Variants in SOD2 observed in about 807,000 individuals in gnomAD.
SOD2 encodes superoxide dismutase [Mn], mitochondrial.
A neutral mutation model predicts 27.0 loss-of-function variants in SOD2; 11 were observed. The observed-to-expected ratio is 0.41, with a 90% CI of 0.26 to 0.67. The LOEUF (loss-of-function observed/expected upper bound fraction) is 0.67. Among genes scored for constraint, SOD2 ranks in the 30% least tolerant of loss-of-function variants. The pLI is 0.34. For missense variants in SOD2, 250 were observed against 274.5 expected (o/e 0.91, Z 0.63); for synonymous variants, 105 against 103.0 (o/e 1.02, Z -0.12).
chr6:159,735,380 A>G (rs1243301840), intron 1 of SOD2, among the ~76,000 whole-genome samples: 1 of 152,284 alleles, frequency 6.6e-6, no homozygotes, highest in South Asian at 2.1e-4. Flanking sequence ...ACCTCAAGTG[A>G]TCCACCCACC....
At chr6:159,746,725 T>C (rs572077309), upstream of SOD2, among the ~76,000 whole-genome samples, 2 of 152,368 alleles carry the variant, frequency 1.3e-5, no homozygotes, top group African/African-American at 4.8e-5. Context: ...GTGGTATTTC[T>C]GTTTTTCATT....
intron 1 of SOD2, among the ~76,000 whole-genome samples, chr6:159,707,743 G>A (rs1051916186): frequency 6.6e-6 from 1 of 152,134 alleles, no homozygotes; most frequent in African/African-American, 2.4e-5. Flanking sequence ...TAGAAAAAGA[G>A]GGAATCCTCC....
In SOD2 at chr6:159,680,545, C is replaced by A. The variant is rs1395645583; in HGVS notation, c.*1948G>T. Reference sequence around the variant, plus strand: ...CAATATTGAAACTGCTAAGTTACCCCATTTTTCCATGAAAAAAAAATAGAA... The same window carrying A: ...CAATATTGAAACTGCTAAGTTACCCAATTTTTCCATGAAAAAAAAATAGAA... On this transcript the variant is annotated 3_prime_UTR_variant, in exon 5 of 5. Transcript: ENST00000538183. 1.3e-5 allele frequency: 2 copies of A among 150,982 alleles called. No homozygotes were observed. Among genetic ancestry groups the A allele is most frequent in the Non-Finnish European group, 2.9e-5 (2 of 67,852 alleles). 9.4% of individuals were successfully genotyped at this position (150,982 alleles called of 1,614,324 possible).
upstream of SOD2, among the ~76,000 whole-genome samples, chr6:159,729,152 C>G (rs1778410493): frequency 6.6e-6 from 1 of 152,164 alleles, no homozygotes; most frequent in Non-Finnish European, 1.5e-5. Context: ...CGTTCAAGGT[C>G]TCTTATGGTC....
chr6:159,712,067 C>CACATT (rs780654369), intron 1 of SOD2, among the ~76,000 whole-genome samples: 1 of 25,640 alleles, frequency 3.9e-5, no homozygotes, highest in East Asian at 7.0e-4. Flanking sequence ...AACCACCACT[C>CACATT]GGCTGCTCAG....
rs890959968 is a variant in SOD2, at chr6:159,678,787, T to C, written c.*3706A>G. 1 of 152,180 alleles carries C rather than the reference T, an allele frequency of 6.6e-6. No homozygotes were observed. Among genetic ancestry groups the C allele is most frequent in the South Asian group, 2.1e-4 (1 of 4,830 alleles). The allele number at this position is 152,180 out of a possible 1,614,324, so 9.4% of individuals were successfully genotyped here. On this transcript the variant is annotated 3_prime_UTR_variant, in exon 5 of 5. Coordinates refer to ENST00000538183, the MANE Select transcript of SOD2 (RefSeq NM_000636.4). ...TCTTGTGGGCTGAGCCCTCCACCTGTGGGATCTGACTCCAATTCCAGGTAG... is the reference window on the plus strand; with the variant it reads ...TCTTGTGGGCTGAGCCCTCCACCTGCGGGATCTGACTCCAATTCCAGGTAG...
At chr6:159,684,565 C>T (rs762700128) in intron 4 of SOD2, among the ~76,000 whole-genome samples, 1 of 151,966 alleles carries the variant, frequency 6.6e-6, no homozygotes, top group Non-Finnish European at 1.5e-5. Context: ...TGCAGTGAAC[C>T]GAGATCGCAC....
At position 159,737,294 on chromosome 6, in the gene SOD2, A is replaced by C. The variant is rs912332498; in HGVS notation, c.-116+7836T>G. 4.6e-5 allele frequency among the ~76,000 whole-genome samples: 7 copies of C among 151,766 alleles called. 1 individual carries two copies. Among genetic ancestry groups the C allele is most frequent in the African/African-American group, 1.5e-4 (6 of 41,342 alleles). On this transcript the variant is annotated intron_variant, in intron 1 of 3. Coordinates refer to the SOD2 transcript ENST00000537657. ...GAACTCCCGGGCTCAAGAGATAGCC[A>C]CCTGCCTCTGCCTTCCAAAGTGCTG...
intron 4 of SOD2, among the ~76,000 whole-genome samples, chr6:159,684,503 GC>G (rs1252356930): frequency 1.3e-5 from 2 of 152,140 alleles, no homozygotes; most frequent in Non-Finnish European, 2.9e-5. Context: ...TGTAATCCCA[GC>G]TATTTGGGAG....
chr6:159,675,514 A>C lies in SOD2; in HGVS notation c.*6979T>G, dbSNP rs1779758812. ...AAATGGGGAAAGGATTCCCTATTTA[A>C]TAAATGGTGCTGGGAAAACTGGCTA... On this transcript the variant is annotated 3_prime_UTR_variant, in exon 5 of 5. Transcript: ENST00000538183. The C allele has an allele frequency of 6.6e-6, 1 of 152,244 alleles. No homozygotes were observed. Among genetic ancestry groups the C allele is most frequent in the Non-Finnish European group, 1.5e-5 (1 of 68,052 alleles). 9.4% of individuals were successfully genotyped at this position (152,244 alleles called of 1,614,324 possible).
rs574395158 is a variant in SOD2, at chr6:159,724,581, G to A, written c.-116+2548C>T. Among the ~76,000 whole-genome samples the A allele has an allele frequency of 8.5e-5, 13 of 152,224 alleles. No individual in the cohort carries two copies. In the South Asian group the frequency reaches 1.9e-3, roughly 22 times the overall value. ...ACACAGATGAAAAATACAGTGGGGCGAGGGACGGTGGCTCACACCTATAAT... is the reference window on the plus strand; with the variant it reads ...ACACAGATGAAAAATACAGTGGGGCAAGGGACGGTGGCTCACACCTATAAT... On this transcript the variant is annotated intron_variant, in intron 1 of 2. Coordinates refer to the SOD2 transcript ENST00000401980.
At position 159,692,737 on chromosome 6, in the gene SOD2, G is replaced by A. The variant is rs769361629; in HGVS notation, c.150C>T (p.His50=). Reference sequence around the variant, plus strand: ...CGTAGGCCGCGTGGTGCTTGCTGTGGTGCAGCTGCATGATCTGCGCGTTGA... The same window carrying A: ...CGTAGGCCGCGTGGTGCTTGCTGTGATGCAGCTGCATGATCTGCGCGTTGA... ...PHINAQIMQL[H]HSKHHAAYVN... is the part of the protein sequence containing the mutation. The change falls in exon 2 of 5, where the codon CAC becomes CAT. Residue 50 remains histidine (H), a synonymous_variant. Transcript: ENST00000538183. 5.0e-6 allele frequency: 8 copies of A among 1,614,166 alleles called. No individual in the cohort carries two copies. The highest frequency in any genetic ancestry group is 2.2e-5 in the South Asian group (2 of 91,080).
rs1375089494 is a variant in SOD2 at position 159,674,652 on chromosome 6, C to A, written c.*7841G>T. On this transcript the variant is annotated 3_prime_UTR_variant, in exon 5 of 5. Transcript: ENST00000538183. Reference sequence around the variant, plus strand: ...CACAGCCAATATCAGACTGAATGGGCAAAAACTGGAAGCATTCCCTTTGAA... The same window carrying A: ...CACAGCCAATATCAGACTGAATGGGAAAAAACTGGAAGCATTCCCTTTGAA... The A allele has an allele frequency of 2.0e-5, 3 of 152,180 alleles. No homozygotes were observed. Among genetic ancestry groups the A allele is most frequent in the Non-Finnish European group, 2.9e-5 (2 of 68,034 alleles). 9.4% of individuals were successfully genotyped at this position (152,180 alleles called of 1,614,324 possible). A position where few individuals can be genotyped will look rare whatever the true frequency, so the allele number is the denominator to read the frequency against.
At chr6:159,694,247 C>G (rs5746082), upstream of SOD2, among the ~76,000 whole-genome samples, 329 of 152,324 alleles carry the variant, frequency 2.2e-3, 2 homozygotes, top group Non-Finnish European at 3.0e-3. Flanking sequence ...AACAGTTAAA[C>G]AACAATCCTG....
At chr6:159,683,817 T>C (rs1270158999) in intron 4 of SOD2, among the ~76,000 whole-genome samples, 2 of 152,158 alleles carry the variant, frequency 1.3e-5, no homozygotes, top group South Asian at 2.1e-4. Flanking sequence ...GCCATGTCAC[T>C]GTCCCAAAAG....
At position 159,684,877 on chromosome 6, in the gene SOD2, T is replaced by A. The variant is rs1431463887; in HGVS notation, c.500A>T (p.Gln167Leu). 2 of 1,612,574 alleles carry A rather than the reference T, an allele frequency of 1.2e-6. No homozygotes were observed. The highest frequency in any genetic ancestry group is 1.7e-6 in the Non-Finnish European group (2 of 1,179,322). The change falls in exon 4 of 5, where the codon CAG becomes CTG. Residue 167 changes from glutamine to leucine, a missense_variant. Coordinates refer to ENST00000538183, the MANE Select transcript of SOD2 (RefSeq NM_000636.4). Reference sequence around the variant, plus strand: ...ACCTGTTGTTCCTTGCAGTGGATCCTGATTTGGACAAGCAGCAATTTGTAA... The same window carrying A: ...ACCTGTTGTTCCTTGCAGTGGATCCAGATTTGGACAAGCAGCAATTTGTAA... ...GHLQIAACPN[Q>L]DPLQGTTGLI...
chr6:159,736,847 G>C (rs1255859275), intron 1 of SOD2: 1 of 152,044 alleles, frequency 6.6e-6, no homozygotes, highest in East Asian at 1.9e-4. Flanking sequence ...CACACACACA[G>C]TGGCTGTTAT....
chr6:159,697,533 C>A (rs1044429746), upstream of SOD2, among the ~76,000 whole-genome samples: 2 of 152,118 alleles, frequency 1.3e-5, no homozygotes, highest in East Asian at 3.8e-4. Context: ...TCAAAGAACA[C>A]ATTAACTACT....
intron 1 of SOD2, chr6:159,736,426 A>AAGG: frequency 1.4e-6 from 1 of 729,100 alleles, no homozygotes; most frequent in Non-Finnish European, 2.4e-6. Context: ...TGCCTTTATA[A>AAGG]CAATAATAGC....
Sources: gnomAD v4.1 joint callset for allele counts (sites outside exome capture counted in the v4.1 genomes callset) on GRCh38, gnomAD v4.1.1 for gene constraint, MANE v1.5 for transcripts, NCBI Gene and HGNC (gene_info 2026-07-23, HGNC 2026-07-21) for gene names.